Variants in C6 observed in about 807,000 individuals in gnomAD.
C6 encodes complement C6.
A neutral mutation model predicts 112.9 loss-of-function variants in C6; 101 were observed. The ratio of observed to expected loss-of-function variants is 0.89; its 90% CI spans 0.76 to 1.06. C6 has a LOEUF of 1.06. Ranked by LOEUF, C6 falls within the 50% of genes least tolerant of loss-of-function variation. The pLI, the probability that C6 is intolerant of heterozygous loss-of-function variation, is 0.00. For missense variants in C6, 1,202 were observed against 1,104.6 expected, an observed-to-expected ratio of 1.09 and a Z score of -1.25; for synonymous variants, 431 against 384.1, an observed-to-expected ratio of 1.12 and a Z score of -1.43.
chr5:41,211,579 C>A (rs1751933172), intron 1 of C6, among the ~76,000 whole-genome samples: 1 of 151,856 alleles, frequency 6.6e-6, no homozygotes, highest in South Asian at 2.1e-4. Context: ...GCTGAGGCTC[C>A]CAAATAATGT....
chr5:41,224,596 G>A (rs1440249912), intron 1 of C6, among the ~76,000 whole-genome samples: 1 of 150,664 alleles, frequency 6.6e-6, no homozygotes, highest in Non-Finnish European at 1.5e-5. Flanking sequence ...TTTTTTTATT[G>A]CTGAATAACA....
intron 17 of C6, among the ~76,000 whole-genome samples, chr5:41,145,643 G>C (rs549587689): frequency 1.3e-5 from 2 of 152,188 alleles, no homozygotes; most frequent in Non-Finnish European, 2.9e-5. Context: ...CCACATGCCT[G>C]GGCATCTTGC....
chr5:41,255,746 A>G (rs1449896326), intron 1 of C6, among the ~76,000 whole-genome samples: 1 of 152,186 alleles, frequency 6.6e-6, no homozygotes, highest in Non-Finnish European at 1.5e-5. Context: ...GGCAGTTCCA[A>G]TTCTTAATTC....
chr5:41,238,114 G>C (rs1235232185), intron 1 of C6, among the ~76,000 whole-genome samples: 1 of 59,852 alleles, frequency 1.7e-5, no homozygotes, highest in Non-Finnish European at 3.4e-5. Flanking sequence ...CCATGCTCAT[G>C]GGTAGGAAGA....
At chr5:41,238,239 A>T (rs1259030827) in intron 1 of C6, among the ~76,000 whole-genome samples, 6 of 138,044 alleles carry the variant, frequency 4.3e-5, no homozygotes, top group African/African-American at 1.6e-4. Context: ...TTTAAAGTTC[A>T]TATGGAACCA....
intron 1 of C6, among the ~76,000 whole-genome samples, chr5:41,235,539 G>T (rs1285387016): frequency 1.4e-5 from 2 of 144,264 alleles, no homozygotes; most frequent in Admixed American, 1.4e-4. Flanking sequence ...ATAAACATAC[G>T]TGTGCATGTG....
chr5:41,191,310 C>G (rs1398943548), intron 5 of C6, among the ~76,000 whole-genome samples: 1 of 151,988 alleles, frequency 6.6e-6, no homozygotes, highest in Non-Finnish European at 1.5e-5. Flanking sequence ...CATGATCCAC[C>G]CGCCTCGGCC....
In C6 at chr5:41,145,870, G is replaced by A. The variant is rs1745773920; in HGVS notation, c.2624-2864C>T. Among the ~76,000 whole-genome samples, 10 of 152,208 alleles carry A rather than the reference G, an allele frequency of 6.6e-5. No individual in the cohort carries two copies. The South Asian group carries it at 2.1e-3, about 32-fold the overall frequency. ...GCCATGGTCACTACCCTTTTAGTAT[G>A]GATATAGCTTAAATGTTCTTTGCTT... On this transcript the variant is annotated intron_variant, in intron 17 of 17. Coordinates refer to ENST00000337836, the MANE Select transcript of C6 (RefSeq NM_000065.5).
chr5:41,216,217 C>T (rs1315760300), upstream of C6, among the ~76,000 whole-genome samples: 1 of 152,148 alleles, frequency 6.6e-6, no homozygotes, highest in Non-Finnish European at 1.5e-5. Context: ...ATTCACTTCA[C>T]TCTTTGAAAT....
intron 3 of C6, among the ~76,000 whole-genome samples, chr5:41,200,453 A>C (rs1250083466): frequency 6.6e-6 from 1 of 152,202 alleles, no homozygotes; most frequent in Non-Finnish European, 1.5e-5. Flanking sequence ...CTTTGAAGTC[A>C]GAAAATTCAA....
At chr5:41,186,468 A>G in intron 5 of C6, 1 of 445,976 alleles carries the variant, frequency 2.2e-6, no homozygotes, top group Non-Finnish European at 4.1e-6. Context: ...TCAACATACA[A>G]CAAAATCTGG....
intron 17 of C6, among the ~76,000 whole-genome samples, chr5:41,144,301 T>C (rs1012509248): frequency 1.3e-5 from 2 of 152,168 alleles, no homozygotes; most frequent in African/African-American, 4.8e-5. Context: ...AGGGTCTTAC[T>C]GTGTCTCCCA....
rs553407552 is a variant in C6 at position 41,210,649 on chromosome 5, G to A, written c.-21+2727C>T. Among the ~76,000 whole-genome samples the A allele has an allele frequency of 3.5e-3, 533 of 152,138 alleles. 1 individual carries two copies. The highest frequency in any genetic ancestry group is 0.013 in the African/African-American group (520 of 41,492). On this transcript the variant is annotated intron_variant, in intron 1 of 17. Coordinates refer to ENST00000337836, the MANE Select transcript of C6 (RefSeq NM_000065.5). The stretch of plus-strand genomic sequence containing the variant: ...AGATATGAAAAAAATGCTCATCATC[G>A]CTGGCCATCAGAGAAATGCAGATCA...
At chr5:41,206,667 G>GT (rs1751460035) in intron 1 of C6, among the ~76,000 whole-genome samples, 1 of 152,150 alleles carries the variant, frequency 6.6e-6, no homozygotes, top group African/African-American at 2.4e-5. Context: ...GAGAAGAGAA[G>GT]TTTAGAGAAA....
intron 8 of C6, among the ~76,000 whole-genome samples, chr5:41,173,844 A>T (rs1470716351): frequency 6.6e-6 from 1 of 152,158 alleles, no homozygotes; most frequent in Non-Finnish European, 1.5e-5. Flanking sequence ...TGAAGCCCTC[A>T]TGCTTAGTTT....
chr5:41,173,190 G>C (rs1341579852), intron 8 of C6, among the ~76,000 whole-genome samples: 1 of 152,098 alleles, frequency 6.6e-6, no homozygotes, highest in Non-Finnish European at 1.5e-5. Context: ...ACTCCCCATG[G>C]TCTTATAACC....
chr5:41,249,478 G>A (rs1304211590), intron 1 of C6, among the ~76,000 whole-genome samples: 5 of 152,078 alleles, frequency 3.3e-5, no homozygotes, highest in South Asian at 2.1e-4. Flanking sequence ...TTACTTTGAT[G>A]TAGTAAATCA....
upstream of C6, among the ~76,000 whole-genome samples, chr5:41,218,379 C>T (rs1738933396): frequency 6.6e-6 from 1 of 151,326 alleles, no homozygotes; most frequent in Admixed American, 6.6e-5. Context: ...GGCACTTGAA[C>T]AGTAAACAAA....
At chr5:41,190,035 T>C (rs1172639648) in intron 5 of C6, among the ~76,000 whole-genome samples, 1 of 152,192 alleles carries the variant, frequency 6.6e-6, no homozygotes, top group African/African-American at 2.4e-5. Flanking sequence ...ACTGATTCCA[T>C]ATGTTGGTTA....
Sources: allele counts gnomAD v4.1 joint callset (sites outside exome capture counted in the v4.1 genomes callset), GRCh38; gene constraint gnomAD v4.1.1; transcripts MANE v1.5; gene names NCBI Gene and HGNC (gene_info 2026-07-23, HGNC 2026-07-21).